The following SLC24A2 variants were observed in gnomAD, a reference collection of about 807,000 sequenced individuals.
The protein encoded by SLC24A2 is sodium/potassium/calcium exchanger 2.
In SLC24A2, 36 loss-of-function variants were observed where a neutral mutation model predicts 62.0. The observed-to-expected ratio is 0.58, with a 90% CI of 0.44 to 0.77. SLC24A2 has a LOEUF of 0.77. Among genes scored for constraint, SLC24A2 ranks in the 30% least tolerant of loss-of-function variants. SLC24A2 has a pLI of 0.00. For synonymous variants in SLC24A2, 358 were observed against 294.0 expected (o/e 1.22, Z -2.23); for missense variants, 846 against 817.9 (o/e 1.03, Z -0.42).
At chr9:19,907,112 A>G in the SLC24A2 span, among the ~76,000 whole-genome samples, 5 of 152,348 alleles carry the variant, frequency 3.3e-5, no homozygotes, top group East Asian at 9.6e-4. Flanking sequence ...GCAACACATC[A>G]AAAAGCTTAT....
intron 2 of SLC24A2, among the ~76,000 whole-genome samples, chr9:19,770,099 A>G (rs1042011309): frequency 6.6e-5 from 10 of 150,984 alleles, no homozygotes; most frequent in African/African-American, 2.4e-4. Context: ...GCTGCTTCTA[A>G]TTTCTTTATG....
intron 2 of SLC24A2, among the ~76,000 whole-genome samples, chr9:19,784,612 C>A (rs191664429): frequency 6.6e-6 from 1 of 152,184 alleles, no homozygotes; most frequent in African/African-American, 2.4e-5. Context: ...TGAGGGATCA[C>A]CTTTTTGGCT....
the SLC24A2 span, among the ~76,000 whole-genome samples, chr9:19,995,511 T>C: frequency 6.6e-6 from 1 of 152,164 alleles, no homozygotes; most frequent in Non-Finnish European, 1.5e-5. Context: ...CCAGGGTCTT[T>C]TTCATAAGAA....
chr9:20,248,513 G>A, the SLC24A2 span, among the ~76,000 whole-genome samples: 1 of 152,052 alleles, frequency 6.6e-6, no homozygotes, highest in African/African-American at 2.4e-5. Flanking sequence ...TCCTCACATG[G>A]AAGAGAGCAG....
At chr9:20,170,459 T>C in the SLC24A2 span, among the ~76,000 whole-genome samples, 1 of 152,030 alleles carries the variant, frequency 6.6e-6, no homozygotes, top group Non-Finnish European at 1.5e-5. Flanking sequence ...CTGAGCCGAT[T>C]GGCTACTTGA....
chr9:19,970,436 TGTGA>T, the SLC24A2 span, among the ~76,000 whole-genome samples: 1 of 152,170 alleles, frequency 6.6e-6, no homozygotes, highest in African/African-American at 2.4e-5. Flanking sequence ...AATACAGGTG[TGTGA>T]GTGTTTTTTC....
chr9:20,042,266 G>A, the SLC24A2 span, among the ~76,000 whole-genome samples: 5 of 152,152 alleles, frequency 3.3e-5, no homozygotes, highest in Non-Finnish European at 7.3e-5. Flanking sequence ...TCTAGGGAAA[G>A]GAAAAGAACA....
intron 5 of SLC24A2, among the ~76,000 whole-genome samples, chr9:19,581,657 T>C (rs1010908781): frequency 6.6e-6 from 1 of 152,128 alleles, no homozygotes; most frequent in Non-Finnish European, 1.5e-5. Flanking sequence ...GAAAAGAAGA[T>C]TGATATTTAA....
intron 2 of SLC24A2, among the ~76,000 whole-genome samples, chr9:19,687,427 G>C (rs1012362695): frequency 7.2e-5 from 11 of 152,060 alleles, no homozygotes; most frequent in Admixed American, 2.6e-4. Context: ...TCGTGTGATA[G>C]ACTCGAAGGT....
the SLC24A2 span, among the ~76,000 whole-genome samples, chr9:20,189,146 T>TGTTGGTTGGGAAAAGCAAGAA: frequency 6.6e-6 from 1 of 150,658 alleles, no homozygotes; most frequent in Non-Finnish European, 1.5e-5. Context: ...TCCTTCGGGA[T>TGTTGGTTGGGAAAAGCAAGAA]GTTGGTTGGG....
the SLC24A2 span, among the ~76,000 whole-genome samples, chr9:20,268,851 T>C: frequency 6.6e-6 from 1 of 152,236 alleles, no homozygotes; most frequent in East Asian, 1.9e-4. Context: ...AAATAAATGG[T>C]ATGTGTGTGG....
chr9:19,517,989 C>G (rs554211499), intron 10 of SLC24A2, among the ~76,000 whole-genome samples: 1 of 150,874 alleles, frequency 6.6e-6, no homozygotes, highest in Non-Finnish European at 1.5e-5. Flanking sequence ...TGAGTTTAAT[C>G]GCACTATAAA....
At chr9:20,295,334 T>C in the SLC24A2 span, among the ~76,000 whole-genome samples, 1 of 152,218 alleles carries the variant, frequency 6.6e-6, no homozygotes, top group Non-Finnish European at 1.5e-5. Flanking sequence ...AGTTTCATCA[T>C]CTTAGGCAAA....
chr9:20,133,824 G>C, the SLC24A2 span, among the ~76,000 whole-genome samples: 2 of 152,094 alleles, frequency 1.3e-5, no homozygotes, highest in Admixed American at 1.3e-4. Context: ...ATAGTGAAGA[G>C]ATTTTATTTC....
chr9:20,233,874 C>G, the SLC24A2 span, among the ~76,000 whole-genome samples: 25 of 152,300 alleles, frequency 1.6e-4, 1 homozygote, highest in African/African-American at 6.0e-4. Flanking sequence ...CTGGTTGTCC[C>G]TTTCCATGTT....
At chr9:19,631,169 C>T (rs1401922769) in intron 2 of SLC24A2, among the ~76,000 whole-genome samples, 1 of 152,162 alleles carries the variant, frequency 6.6e-6, no homozygotes, top group African/African-American at 2.4e-5. Flanking sequence ...GCTCAATGCT[C>T]AGTAAATGCA....
At chr9:20,026,925 G>A in the SLC24A2 span, among the ~76,000 whole-genome samples, 4 of 152,100 alleles carry the variant, frequency 2.6e-5, no homozygotes, top group African/African-American at 9.7e-5. Flanking sequence ...CTATCCATCT[G>A]ACCAAGGGTT....
the SLC24A2 span, among the ~76,000 whole-genome samples, chr9:19,861,451 G>A: frequency 3.9e-5 from 6 of 152,096 alleles, no homozygotes; most frequent in Admixed American, 3.3e-4. Flanking sequence ...TATCTAGAAA[G>A]CCTTCCCAAG....
chr9:20,093,761 T>A, the SLC24A2 span, among the ~76,000 whole-genome samples: 1 of 152,122 alleles, frequency 6.6e-6, no homozygotes, highest in Non-Finnish European at 1.5e-5. Flanking sequence ...GCTAGCACAA[T>A]AGGGTGACAA....
Sources: allele counts gnomAD v4.1 joint callset (sites outside exome capture counted in the v4.1 genomes callset), GRCh38; gene constraint gnomAD v4.1.1; transcripts MANE v1.5; gene names NCBI Gene and HGNC (gene_info 2026-07-23, HGNC 2026-07-21).